Variants in TENM2 observed in about 807,000 individuals in gnomAD.
TENM2 encodes teneurin-2.
In TENM2, 52 loss-of-function variants were observed where a neutral mutation model predicts 245.2. That is an observed-to-expected ratio of 0.21 (90% CI 0.17 to 0.27). The LOEUF (loss-of-function observed/expected upper bound fraction) is 0.27. TENM2 is among the 10% of genes least tolerant of loss of function. The pLI is 1.00. For missense variants in TENM2, 3,046 were observed against 3,666.8 expected (o/e 0.83, Z 4.37); for synonymous variants, 1,363 against 1,438.9 (o/e 0.95, Z 1.19).
chr5:167,316,851 C>T (rs1291729174), intron 1 of TENM2, among the ~76,000 whole-genome samples: 2 of 152,130 alleles, frequency 1.3e-5, no homozygotes, highest in African/African-American at 4.8e-5. Context: ...ACTCATATTG[C>T]ATAAGACAGT....
At chr5:167,128,042 G>C in the TENM2 span, among the ~76,000 whole-genome samples, 3 of 152,262 alleles carry the variant, frequency 2.0e-5, no homozygotes, top group Admixed American at 6.5e-5. Flanking sequence ...TCCAGTGTAT[G>C]ATGCTGAGTA....
At chr5:167,309,149 G>A (rs1051861771) in intron 1 of TENM2, among the ~76,000 whole-genome samples, 1 of 152,124 alleles carries the variant, frequency 6.6e-6, no homozygotes, top group African/African-American at 2.4e-5. Flanking sequence ...TCTCTAGGAA[G>A]TCTCCTATTT....
chr5:167,938,245 A>G (rs188064906), intron 3 of TENM2, among the ~76,000 whole-genome samples: 21 of 152,154 alleles, frequency 1.4e-4, no homozygotes, highest in Non-Finnish European at 2.8e-4. Context: ...GTGTGCAAGC[A>G]AAAAACCTGC....
At chr5:167,987,383 A>G (rs1171092415) in intron 4 of TENM2, among the ~76,000 whole-genome samples, 3 of 151,478 alleles carry the variant, frequency 2.0e-5, no homozygotes, top group African/African-American at 7.3e-5. Flanking sequence ...GCTGGAGCGC[A>G]ATGGCACGGT....
chr5:168,185,658 A>C (rs1226945395), intron 13 of TENM2, among the ~76,000 whole-genome samples: 1 of 151,938 alleles, frequency 6.6e-6, no homozygotes, highest in African/African-American at 2.4e-5. Context: ...TAAAAAAAAA[A>C]ATGTAAATTC....
intron 5 of TENM2, among the ~76,000 whole-genome samples, chr5:168,002,939 A>G (rs1325408996): frequency 6.6e-6 from 1 of 152,166 alleles, no homozygotes; most frequent in African/African-American, 2.4e-5. Flanking sequence ...TCCAGATCCC[A>G]AAAAGCAACA....
chr5:168,066,524 C>T (rs1030644622), intron 7 of TENM2, among the ~76,000 whole-genome samples: 2 of 152,192 alleles, frequency 1.3e-5, no homozygotes, highest in African/African-American at 2.4e-5. Context: ...ACCAATTACA[C>T]TGCTACTCAC....
chr5:167,667,052 T>C (rs1582696880), intron 2 of TENM2, among the ~76,000 whole-genome samples: 1 of 152,182 alleles, frequency 6.6e-6, no homozygotes, highest in South Asian at 2.1e-4. Context: ...TCAAATATGA[T>C]GAACTTTTAA....
chr5:167,007,538 C>T, the TENM2 span, among the ~76,000 whole-genome samples: 1 of 152,214 alleles, frequency 6.6e-6, no homozygotes, highest in Non-Finnish European at 1.5e-5. This position sits in a 1 kb window ranked among gnomAD's most constrained non-coding sequence, Gnocchi z 4.2. Flanking sequence ...CCCATCCCTG[C>T]TGTCCTGTGG....
At chr5:167,264,742 T>C in the TENM2 span, among the ~76,000 whole-genome samples, 1 of 152,212 alleles carries the variant, frequency 6.6e-6, no homozygotes, top group Non-Finnish European at 1.5e-5. Context: ...AACCAGGCCA[T>C]GTATTTTTTT....
chr5:167,562,338 A>T (rs1773646926), intron 2 of TENM2, among the ~76,000 whole-genome samples: 1 of 152,178 alleles, frequency 6.6e-6, no homozygotes, highest in Admixed American at 6.5e-5. Context: ...TAGAGTTTGC[A>T]TGGCTGCTAG....
chr5:167,427,737 CGGAAA>C (rs1290894001), intron 2 of TENM2, among the ~76,000 whole-genome samples: 1 of 36,460 alleles, frequency 2.7e-5, no homozygotes, highest in Admixed American at 4.2e-4. Flanking sequence ...GAAGAAAGGA[CGGAAA>C]GGAAGGGAAG....
intron 21 of TENM2, among the ~76,000 whole-genome samples, chr5:168,215,681 G>GAA (rs1763129798): frequency 6.6e-6 from 1 of 152,206 alleles, no homozygotes; most frequent in African/African-American, 2.4e-5. Flanking sequence ...AAAAGAAAAA[G>GAA]AAAACCTTAT....
In TENM2 at chr5:167,678,560, C is replaced by T. The variant is rs141896821; in HGVS notation, c.503-197426C>T. Among the ~76,000 whole-genome samples the T allele has an allele frequency of 1.2e-3, 188 of 152,218 alleles. 4 individuals carry two copies. In the South Asian group the frequency reaches 0.016, roughly 13 times the overall value. Reference sequence around the variant, plus strand: ...AAAAGTCCAGTTATTTGCTTATTATCCTTTGATTCCAGCCCCAGCCACCCA... The same window carrying T: ...AAAAGTCCAGTTATTTGCTTATTATTCTTTGATTCCAGCCCCAGCCACCCA... On this transcript the variant is annotated intron_variant, in intron 2 of 28. Coordinates refer to ENST00000518659, the Ensembl canonical transcript of TENM2.
At chr5:167,715,760 C>T (rs1487403631) in intron 2 of TENM2, among the ~76,000 whole-genome samples, 5 of 152,124 alleles carry the variant, frequency 3.3e-5, no homozygotes, top group African/African-American at 1.2e-4. Context: ...GGGTTCAAAA[C>T]TTGCCTCTTT....
intron 7 of TENM2, among the ~76,000 whole-genome samples, chr5:168,083,465 C>A (rs1009043263): frequency 6.6e-6 from 1 of 152,190 alleles, no homozygotes; most frequent in Admixed American, 6.5e-5. Context: ...GTCTGACAAG[C>A]CCCAGTGAGA....
intron 2 of TENM2, among the ~76,000 whole-genome samples, chr5:167,766,337 G>A (rs533957547): frequency 6.6e-6 from 1 of 152,318 alleles, no homozygotes; most frequent in South Asian, 2.1e-4. Flanking sequence ...AGGGGACACA[G>A]TGGGATGATA....
intron 1 of TENM2, among the ~76,000 whole-genome samples, chr5:167,320,206 T>G (rs983295246): frequency 6.6e-6 from 1 of 152,232 alleles, no homozygotes; most frequent in African/African-American, 2.4e-5. Context: ...AAAACAGTGT[T>G]TGTCTTCTGG....
chr5:167,237,798 G>T, the TENM2 span, among the ~76,000 whole-genome samples: 1 of 152,180 alleles, frequency 6.6e-6, no homozygotes, highest in Non-Finnish European at 1.5e-5. Flanking sequence ...GGATCATGAG[G>T]TCAGGAGTTC....
Sources: allele counts gnomAD v4.1 joint callset (sites outside exome capture counted in the v4.1 genomes callset), GRCh38; gene constraint gnomAD v4.1.1; non-coding constraint Gnocchi (gnomAD v3.1); transcripts MANE v1.5; gene names NCBI Gene and HGNC (gene_info 2026-07-23, HGNC 2026-07-21).